Variants in ACAP3 observed in about 807,000 individuals in gnomAD.
The protein encoded by ACAP3 is arf-GAP with coiled-coil, ANK repeat and PH domain-containing protein 3.
Under a neutral mutation model 104.1 loss-of-function variants are expected in ACAP3, and 56 were observed. The ratio of observed to expected loss-of-function variants is 0.54; its 90% confidence interval spans 0.43 to 0.67. ACAP3 has a LOEUF of 0.67. Among genes scored for constraint, ACAP3 ranks in the 30% least tolerant of loss-of-function variants. ACAP3 has a pLI of 0.00. For synonymous variants in ACAP3, 628 were observed against 496.2 expected (o/e 1.27, Z -3.53); for missense variants, 1,208 against 1,174.9 (o/e 1.03, Z -0.41).
Position 1,303,451 on chromosome 1 carries a change from G to T in ACAP3, c.106-170C>A. 1 of 775,750 alleles carries T rather than the reference G, an allele frequency of 1.3e-6. No homozygotes were observed. The highest frequency in any genetic ancestry group is 3.5e-5 in the East Asian group (1 of 28,886). The allele number at this position is 775,750 out of a possible 1,614,324, so 48.1% of individuals were successfully genotyped here. A position where few individuals can be genotyped will look rare whatever the true frequency, so the allele number is the denominator to read the frequency against. Reference sequence around the variant, plus strand: ...TTCCTCACGCCTGGGCCTGCCTGGGGCTTGGAGGCCCGTCTGGGAGGGGAG... The same window carrying T: ...TTCCTCACGCCTGGGCCTGCCTGGGTCTTGGAGGCCCGTCTGGGAGGGGAG... On this transcript the variant is annotated intron_variant, in intron 2 of 23. Coordinates refer to ENST00000354700, the MANE Select transcript of ACAP3 (RefSeq NM_030649.3). This position sits in a 1 kb window ranked among gnomAD's most constrained non-coding sequence, Gnocchi z 4.0.
chr1:1,307,656 TC>T, intron 1 of ACAP3, 112 bp downstream of exon 1: 1 of 977,982 alleles, frequency 1.0e-6, no homozygotes, highest in Non-Finnish European at 1.2e-6. Context: ...CTCCAGCCCC[TC>T]CCCGGCGGCC....
chr1:1,296,799 C>A (rs1641185263), intron 14 of ACAP3, among the ~76,000 whole-genome samples, 166 bp from the exon 15 acceptor site: 1 of 144,888 alleles, frequency 6.9e-6, no homozygotes, highest in African/African-American at 2.5e-5. Context: ...AGATGGCCCC[C>A]CCCTCGAGCA....
chr1:1,296,188 G>A (rs372140455), intron 16 of ACAP3, 23 bp downstream of exon 16: 93 of 1,589,818 alleles, frequency 5.8e-5, no homozygotes, highest in Non-Finnish European at 7.8e-5. Flanking sequence ...GGGTCCCGTG[G>A]CCTCCAGGAG....
chr1:1,307,744 A>C, intron 1 of ACAP3, 25 bp downstream of exon 1: 1 of 1,085,980 alleles, frequency 9.2e-7, no homozygotes, highest in Non-Finnish European at 1.1e-6. Flanking sequence ...GCCTGCGCCC[A>C]CCCCGGCGGC....
Position 1,293,471 on chromosome 1 carries a change from A to C in ACAP3, c.*93T>G. ...GCTGCCAGGTATCGACCCGCGGGTC[A>C]CACGCAGGGCCGCGGCCGGGTGGGC... is the stretch of plus-strand genomic sequence containing the variant. On this transcript the variant is annotated 3_prime_UTR_variant, in exon 24 of 24. Coordinates refer to ENST00000354700, the MANE Select transcript of ACAP3 (RefSeq NM_030649.3). The C allele has an allele frequency of 1.6e-6, 2 of 1,248,664 alleles. No homozygotes were observed. Among genetic ancestry groups the C allele is most frequent in the Non-Finnish European group, 1.0e-6 (1 of 985,808 alleles). 77.3% of individuals were successfully genotyped at this position (1,248,664 alleles called of 1,614,324 possible).
At chr1:1,294,983 G>C (rs1214994774) in intron 19 of ACAP3, 167 bp from the exon 20 acceptor site, 2 of 644,414 alleles carry the variant, frequency 3.1e-6, no homozygotes, top group Non-Finnish European at 5.3e-6. Context: ...GAGCAAAGGA[G>C]AGAAAACCAA....
At position 1,295,955 on chromosome 1, in the gene ACAP3, C is replaced by T. The variant is rs1288350841; in HGVS notation, c.1503-17G>A. The stretch of plus-strand genomic sequence containing the variant: ...TTGTCCTGCCTGGACCAGGGGGGAA[C>T]ATGAGGCTGTGCCCCCAGGCTGGGG... On this transcript the variant is annotated splice_polypyrimidine_tract_variant and intron_variant, in intron 17 of 23. Transcript: ENST00000354700. 1.9e-6 allele frequency: 3 copies of T among 1,612,666 alleles called. No individual in the cohort carries two copies. Among genetic ancestry groups the T allele is most frequent in the Non-Finnish European group, 1.7e-6 (2 of 1,179,960 alleles).
At chr1:1,299,528 C>T (rs1641351098) in intron 9 of ACAP3, 172 bp from the exon 10 acceptor site, 1 of 870,680 alleles carries the variant, frequency 1.1e-6, no homozygotes. Context: ...CAGCCAACCT[C>T]TGCCCGGGAT....
intron 10 of ACAP3, 71 bp downstream of exon 10, chr1:1,299,274 G>A (rs946450791): frequency 5.2e-6 from 8 of 1,551,698 alleles, no homozygotes; most frequent in Admixed American, 3.7e-5. Flanking sequence ...CCTTGGGGTA[G>A]AGGAGGGAAA....
intron 1 of ACAP3, among the ~76,000 whole-genome samples, 171 bp downstream of exon 1, chr1:1,307,598 C>A (rs1018744289): frequency 2.2e-4 from 33 of 152,138 alleles, no homozygotes; most frequent in Admixed American, 4.6e-4. Flanking sequence ...TTTGTTCCAA[C>A]CCCCGGGGCA....
Position 1,307,420 on chromosome 1 carries a change from G to C in ACAP3, c.47+349C>G, listed in dbSNP as rs1220077754. The C allele has an allele frequency of 3.1e-6, 4 of 1,292,878 alleles. No individual in the cohort carries two copies. The East Asian group carries it at 2.2e-4, about 71-fold the overall frequency. The allele number at this position is 1,292,878 out of a possible 1,614,324, so 80.1% of individuals were successfully genotyped here. A position where few individuals can be genotyped will look rare whatever the true frequency, so the allele number is the denominator to read the frequency against. ...ATCAAGTCAGAGACCAGGGGCCGAC[G>C]CCCCCACGGACCCAGACGACCCTGG... On this transcript the variant is annotated intron_variant, in intron 1 of 23. Transcript: ENST00000354700.
chr1:1,307,636 G>T, intron 1 of ACAP3, 133 bp downstream of exon 1: 1 of 959,638 alleles, frequency 1.0e-6, no homozygotes, highest in Non-Finnish European at 1.3e-6. Context: ...CGCTTTGTCC[G>T]AGGCCGGTCC....
chr1:1,306,586 C>A (rs1368256803), intron 1 of ACAP3, among the ~76,000 whole-genome samples: 1 of 152,174 alleles, frequency 6.6e-6, no homozygotes, highest in Non-Finnish European at 1.5e-5. Flanking sequence ...CTGGTGAGGG[C>A]TCCAGGGATA....
intron 4 of ACAP3, 124 bp from the exon 5 acceptor site, chr1:1,302,170 G>T (rs1192303104): frequency 3.5e-6 from 3 of 846,344 alleles, no homozygotes; most frequent in African/African-American, 3.5e-5. Flanking sequence ...GTCCCACCCT[G>T]CAGGGCTGGC....
At chr1:1,293,729 A>AAACGCCCCTGCCCTG (rs1640950144) in intron 23 of ACAP3, 21 bp from the exon 24 acceptor site, 13 of 752,922 alleles carry the variant, frequency 1.7e-5, no homozygotes, top group Non-Finnish European at 2.0e-5. Context: ...GCACAGCGTG[A>AAACGCCCCTGCCCTG]GACGCCCCTG....
At position 1,297,755 on chromosome 1, in the gene ACAP3, G is replaced by A. The variant is rs909014483; in HGVS notation, c.1128+67C>T. 2.9e-5 allele frequency: 43 copies of A among 1,500,000 alleles called. 1 individual carries two copies. Among genetic ancestry groups the A allele is most frequent in the Non-Finnish European group, 3.4e-5 (37 of 1,091,382 alleles). 92.9% of individuals were successfully genotyped at this position (1,500,000 alleles called of 1,614,324 possible). Reference sequence around the variant, plus strand: ...CACGTGTGTGTGTGCACAGGCGCGGGGCAGGGGCCATCCCCGGTGGCACGT... The same window carrying A: ...CACGTGTGTGTGTGCACAGGCGCGGAGCAGGGGCCATCCCCGGTGGCACGT... On this transcript the variant is annotated intron_variant, in intron 14 of 23. Coordinates refer to ENST00000354700, the MANE Select transcript of ACAP3 (RefSeq NM_030649.3).
chr1:1,302,990 G>A lies in ACAP3; in HGVS notation c.226-15C>T, dbSNP rs772564002. ...TGCAGACATTCCTGGAGGAGCAGAT[G>A]GGAACCCGTGCTGAGATGGCAAATC... On this transcript the variant is annotated splice_polypyrimidine_tract_variant and intron_variant, in intron 3 of 23. Coordinates refer to ENST00000354700, the MANE Select transcript of ACAP3 (RefSeq NM_030649.3). 71 of 1,607,412 alleles carry A rather than the reference G, an allele frequency of 4.4e-5. No homozygotes were observed. Among genetic ancestry groups the A allele is most frequent in the Non-Finnish European group, 5.9e-5 (70 of 1,177,144 alleles).
rs752467746 is a variant in ACAP3 at position 1,293,713 on chromosome 1, G to A, written c.2361-5C>T. On this transcript the variant is annotated splice_region_variant and splice_polypyrimidine_tract_variant and intron_variant, in intron 23 of 23. Coordinates refer to ENST00000354700, the MANE Select transcript of ACAP3 (RefSeq NM_030649.3). ...GCCATGCGCGCCAGACGGAGCCTAC[G>A]GGGAGGCACAGCGTGAGACGCCCCT... 2.4e-5 allele frequency: 35 copies of A among 1,431,238 alleles called. No individual in the cohort carries two copies. In the Admixed American group the frequency reaches 3.4e-4, roughly 14 times the overall value. The allele number at this position is 1,431,238 out of a possible 1,614,324, so 88.7% of individuals were successfully genotyped here.
At position 1,304,157 on chromosome 1, in the gene ACAP3, G is replaced by C. The variant is rs759698193; in HGVS notation, c.48-14C>G. 3 of 1,550,238 alleles carry C rather than the reference G, an allele frequency of 1.9e-6. No individual in the cohort carries two copies. The highest frequency in any genetic ancestry group is 2.6e-6 in the Non-Finnish European group (3 of 1,146,814). On this transcript the variant is annotated splice_polypyrimidine_tract_variant and intron_variant, in intron 1 of 23. Transcript: ENST00000354700. The stretch of plus-strand genomic sequence containing the variant: ...TCAATGGTCGCCCTAAAGCAAGAAC[G>C]GGGCTGGCTGGGGTCACCTGCAGCC...
Sources: gnomAD v4.1 joint callset for allele counts (sites outside exome capture counted in the v4.1 genomes callset) on GRCh38, gnomAD v4.1.1 for gene constraint, Gnocchi (gnomAD v3.1) non-coding constraint, MANE v1.5 for transcripts, NCBI Gene and HGNC (gene_info 2026-07-23, HGNC 2026-07-21) for gene names.